Variants in NTM observed in about 807,000 individuals in gnomAD.
The protein encoded by NTM is IgLON family member 2.
A neutral mutation model predicts 42.1 loss-of-function variants in NTM; 13 were observed. That is an observed-to-expected ratio of 0.31 (90% CI 0.20 to 0.49). NTM has a LOEUF of 0.49. Among genes scored for constraint, NTM ranks in the 20% least tolerant of loss-of-function variants. NTM has a pLI of 0.99. For missense variants in NTM, 373 were observed against 452.8 expected (o/e 0.82, Z 1.60); for synonymous variants, 187 against 179.2 (o/e 1.04, Z -0.35).
At chr11:131,594,061 G>T (rs916803367) in intron 1 of NTM, among the ~76,000 whole-genome samples, 10 of 152,180 alleles carry the variant, frequency 6.6e-5, no homozygotes, top group African/African-American at 2.4e-4. Context: ...GAGGAACATG[G>T]ATGATTGTTT....
chr11:131,416,109 G>T (rs537832840), intron 1 of NTM, among the ~76,000 whole-genome samples: 1 of 151,840 alleles, frequency 6.6e-6, no homozygotes, highest in African/African-American at 2.4e-5. Flanking sequence ...TTTATCTGAG[G>T]TTCAAATTCA....
intron 4 of NTM, among the ~76,000 whole-genome samples, chr11:132,275,890 T>A (rs1047696806): frequency 6.6e-6 from 1 of 151,652 alleles, no homozygotes; most frequent in Admixed American, 6.6e-5. Context: ...TATTTTACTG[T>A]TAACCATAGT....
chr11:132,014,736 G>GTTT (rs146527050), intron 2 of NTM, among the ~76,000 whole-genome samples: 1,121 of 83,988 alleles, frequency 0.013, 42 homozygotes, highest in African/African-American at 0.042. Flanking sequence ...AGAATTACTT[G>GTTT]TTTTTTTTTT....
In NTM at chr11:131,396,278, A is replaced by G. The variant is rs1944541950; in HGVS notation, c.82+25390A>G. Among the ~76,000 whole-genome samples the G allele has an allele frequency of 2.6e-5, 4 of 152,170 alleles. No homozygotes were observed. In the South Asian group the frequency reaches 8.3e-4, roughly 32 times the overall value. ...TTCCAAGGATAAGGGTTAAATCTAT[A>G]AAATATTAACTGGCATTGAAATCAT... On this transcript the variant is annotated intron_variant, in intron 1 of 8. Coordinates refer to ENST00000683400, the MANE Select transcript of NTM (RefSeq NM_001352005.2).
At chr11:131,442,977 T>G (rs2135988388) in intron 1 of NTM, among the ~76,000 whole-genome samples, 1 of 152,262 alleles carries the variant, frequency 6.6e-6, no homozygotes. Context: ...TAATAATTTC[T>G]TTTCCTTTGG....
chr11:131,390,391 A>C (rs1943852794), intron 1 of NTM, among the ~76,000 whole-genome samples: 1 of 152,166 alleles, frequency 6.6e-6, no homozygotes, highest in Non-Finnish European at 1.5e-5. Context: ...ATTTGGAGGG[A>C]ACAGACTATC....
chr11:132,229,724 T>A (rs978958150), intron 4 of NTM, among the ~76,000 whole-genome samples: 2 of 152,166 alleles, frequency 1.3e-5, no homozygotes, highest in Admixed American at 1.3e-4. Flanking sequence ...CTACTGCATA[T>A]CATGTCATGT....
intron 3 of NTM, among the ~76,000 whole-genome samples, chr11:132,149,126 T>A (rs1376521069): frequency 6.7e-6 from 1 of 150,174 alleles, no homozygotes; most frequent in Non-Finnish European, 1.5e-5. Flanking sequence ...CCATAGTTTT[T>A]TCAGAGCCAA....
intron 3 of NTM, among the ~76,000 whole-genome samples, chr11:132,177,141 G>A (rs1472303295): frequency 6.6e-6 from 1 of 152,188 alleles, no homozygotes; most frequent in Non-Finnish European, 1.5e-5. Flanking sequence ...TCAGCAAAGT[G>A]AAGGTGATTA....
intron 4 of NTM, among the ~76,000 whole-genome samples, chr11:132,225,442 A>G (rs1290535727): frequency 6.6e-6 from 1 of 152,200 alleles, no homozygotes; most frequent in African/African-American, 2.4e-5. Context: ...AAGGGCTTGT[A>G]TGAAGAGAGG....
At chr11:132,131,752 G>T (rs1177483202) in intron 2 of NTM, among the ~76,000 whole-genome samples, 1 of 152,174 alleles carries the variant, frequency 6.6e-6, no homozygotes, top group African/African-American at 2.4e-5. Flanking sequence ...AAACAGATTT[G>T]TTAGAAAGGT....
intron 2 of NTM, among the ~76,000 whole-genome samples, chr11:131,935,371 C>G (rs941169220): frequency 3.3e-5 from 5 of 152,156 alleles, no homozygotes; most frequent in African/African-American, 1.2e-4. Context: ...TTCAGAATGT[C>G]GGGCTTTTTG....
chr11:132,247,968 C>A (rs2091416903), intron 4 of NTM, among the ~76,000 whole-genome samples: 1 of 152,168 alleles, frequency 6.6e-6, no homozygotes. Flanking sequence ...CCAAGAGCCT[C>A]ACCTTCTCTC....
At chr11:132,317,791 T>G (rs554893873) in intron 7 of NTM, 2 of 619,142 alleles carry the variant, frequency 3.2e-6, no homozygotes, top group Admixed American at 5.3e-5. Context: ...CTGTAAAGTG[T>G]CTTAGAGGAT....
intron 1 of NTM, among the ~76,000 whole-genome samples, chr11:131,509,908 T>C (rs933901815): frequency 2.0e-5 from 3 of 152,072 alleles, no homozygotes; most frequent in African/African-American, 7.2e-5. Flanking sequence ...TTTCATGATA[T>C]AAAGACACAT....
chr11:131,580,654 T>C (rs76308397), intron 1 of NTM, among the ~76,000 whole-genome samples: 1,637 of 152,232 alleles, frequency 0.011, 29 homozygotes, highest in African/African-American at 0.037. Flanking sequence ...TAGTCTATAA[T>C]TGAACTGACC....
At chr11:131,985,246 G>C (rs1178485073) in intron 2 of NTM, among the ~76,000 whole-genome samples, 1 of 152,026 alleles carries the variant, frequency 6.6e-6, no homozygotes, top group Non-Finnish European at 1.5e-5. Context: ...TTATCACAAG[G>C]GACAGTTTTA....
At chr11:132,235,546 CT>C (rs2088641212) in intron 4 of NTM, among the ~76,000 whole-genome samples, 1 of 152,158 alleles carries the variant, frequency 6.6e-6, no homozygotes, top group Non-Finnish European at 1.5e-5. Flanking sequence ...TTCTTTCCTA[CT>C]TTTCTTTTTC....
intron 2 of NTM, chr11:131,922,327 A>G (rs2057344166): frequency 6.6e-6 from 1 of 152,460 alleles, no homozygotes; most frequent in Non-Finnish European, 1.5e-5. Context: ...ATCAGTTCTG[A>G]CCACGCTTCT....
Sources: gnomAD v4.1 joint callset for allele counts (sites outside exome capture counted in the v4.1 genomes callset) on GRCh38, gnomAD v4.1.1 for gene constraint, MANE v1.5 for transcripts, NCBI Gene and HGNC (gene_info 2026-07-23, HGNC 2026-07-21) for gene names.